The following XPO6 variants were observed in gnomAD, a reference collection of about 807,000 sequenced individuals.
XPO6 encodes exportin 6, also known as exportin-6.
A neutral mutation model predicts 130.0 loss-of-function variants in XPO6; 3 were observed. That is an observed-to-expected ratio of 0.02 (90% CI 0.01 to 0.06). The LOEUF is 0.06. Ranked by LOEUF, XPO6 falls within the 10% of genes least tolerant of loss-of-function variation. The probability of loss-of-function intolerance (pLI) is 1.00; values close to 1 mark genes in which losing one functional copy is unlikely to be tolerated. For synonymous variants in XPO6, 524 were observed against 548.9 expected, an observed-to-expected ratio of 0.95 and a Z score of 0.63; for missense variants, 970 against 1,393.0, an observed-to-expected ratio of 0.70 and a Z score of 4.83.
chr16:28,121,615 A>T (rs1413078008), intron 14 of XPO6, 55 bp downstream of exon 14: 2 of 1,274,782 alleles, frequency 1.6e-6, no homozygotes, highest in Non-Finnish European at 2.3e-6. Context: ...AATTATTTGG[A>T]GATTGGGGGC....
At chr16:28,144,692 A>G (rs972193736) in intron 9 of XPO6, among the ~76,000 whole-genome samples, 2 of 152,196 alleles carry the variant, frequency 1.3e-5, no homozygotes, top group African/African-American at 4.8e-5. Flanking sequence ...CATTTGGTAC[A>G]TTTATGGGGA....
At position 28,098,682 on chromosome 16, in the gene XPO6, C is replaced by T. The variant is rs776957808; in HGVS notation, c.3277-43G>A. The T allele has an allele frequency of 6.8e-5, 100 of 1,471,392 alleles. 1 individual carries two copies. In the South Asian group the frequency reaches 1.2e-3, roughly 17 times the overall value. The allele number at this position is 1,471,392 out of a possible 1,614,324, so 91.1% of individuals were successfully genotyped here. A position where few individuals can be genotyped will look rare whatever the true frequency, so the allele number is the denominator to read the frequency against. On this transcript the variant is annotated intron_variant, in intron 23 of 23. Coordinates refer to ENST00000304658, the MANE Select transcript of XPO6 (RefSeq NM_015171.4). ...AGCTGCAGCCAACAACACACCAGGT[C>T]ACCCACCCACCAGACCCCAACAGCT...
At chr16:28,121,618 T>C (rs993619729) in intron 14 of XPO6, 52 bp downstream of exon 14, 40 of 1,314,184 alleles carry the variant, frequency 3.0e-5, no homozygotes, top group Middle Eastern at 1.8e-4. Context: ...TATTTGGAGA[T>C]TGGGGGCAAG....
intron 6 of XPO6, among the ~76,000 whole-genome samples, chr16:28,165,874 C>T (rs1163221211): frequency 6.6e-6 from 1 of 152,206 alleles, no homozygotes; most frequent in Non-Finnish European, 1.5e-5. Context: ...TTCCTCTTTC[C>T]ATCCATCCTT....
Position 28,119,707 on chromosome 16 carries a change from T to C in XPO6, c.1859+1963A>G, listed in dbSNP as rs534364363. 2.6e-5 allele frequency among the ~76,000 whole-genome samples: 4 copies of C among 152,262 alleles called. No homozygotes were observed. In the East Asian group the frequency reaches 5.8e-4, roughly 22 times the overall value. ...CCTGGGACAACTGAAGAAATTTTAA[T>C]ATGGACTATATATGAGATGACATTA... On this transcript the variant is annotated intron_variant, in intron 14 of 23. Coordinates refer to ENST00000304658, the MANE Select transcript of XPO6 (RefSeq NM_015171.4).
intron 12 of XPO6, chr16:28,126,667 G>A: frequency 6.6e-6 from 1 of 152,146 alleles, no homozygotes; most frequent in East Asian, 1.9e-4. Context: ...TAAGATGAAG[G>A]ACAAAACATC....
chr16:28,117,573 G>A (rs2087100587), intron 14 of XPO6, 111 bp from the exon 15 acceptor site: 1 of 1,278,600 alleles, frequency 7.8e-7, no homozygotes, highest in Non-Finnish European at 1.1e-6. Context: ...GCTGTTCTAA[G>A]ACATGGGCAA....
chr16:28,180,382 T>A lies in XPO6; in HGVS notation c.94+559A>T, dbSNP rs28689914. 6.0e-3 allele frequency among the ~76,000 whole-genome samples: 904 copies of A among 151,298 alleles called. 8 individuals carry two copies. The highest frequency in any genetic ancestry group is 0.019 in the African/African-American group (776 of 41,246). On this transcript the variant is annotated intron_variant, in intron 2 of 23. Transcript: ENST00000304658. ...CCGTCTCAAAAACAAAACAAAAAAA[T>A]TTTTTTTTGAGACAGGATCTTACAT...
intron 1 of XPO6, among the ~76,000 whole-genome samples, chr16:28,210,143 T>C (rs1021815088): frequency 2.0e-5 from 3 of 152,072 alleles, no homozygotes; most frequent in Non-Finnish European, 4.4e-5. Context: ...CAAATAAAAA[T>C]AAAACACATA....
Position 28,106,236 on chromosome 16 carries a change from A to G in XPO6, c.2613-22T>C, listed in dbSNP as rs1394678057. 1 of 1,612,346 alleles carries G rather than the reference A, an allele frequency of 6.2e-7. No homozygotes were observed. The highest frequency in any genetic ancestry group is 8.5e-7 in the Non-Finnish European group (1 of 1,178,740). On this transcript the variant is annotated intron_variant, in intron 19 of 23. Transcript: ENST00000304658. This position sits in a 1 kb window ranked among gnomAD's most constrained non-coding sequence, Gnocchi z 4.2. ...CTCTCTACAGAGGAGAAAGCCACAC[A>G]GTGAGCAACCACATGTTTCTCTGGG...
chr16:28,109,868 A>G (rs1458239128), intron 17 of XPO6, among the ~76,000 whole-genome samples: 1 of 152,238 alleles, frequency 6.6e-6, no homozygotes, highest in East Asian at 1.9e-4. Flanking sequence ...ATAGATACAA[A>G]GGTTAAGTAG....
chr16:28,104,447 T>C, intron 21 of XPO6, 99 bp downstream of exon 21: 1 of 1,445,458 alleles, frequency 6.9e-7, no homozygotes, highest in Non-Finnish European at 9.4e-7. Context: ...CAGGCAGAAC[T>C]GAGCTTCAGA....
At chr16:28,138,479 C>T (rs952748643) in intron 9 of XPO6, among the ~76,000 whole-genome samples, 107 of 152,222 alleles carry the variant, frequency 7.0e-4, no homozygotes, top group African/African-American at 2.4e-3. Context: ...ACCCGTATCG[C>T]TTAGAAAATT....
chr16:28,211,470 C>G lies in XPO6; in HGVS notation c.-102G>C, dbSNP rs2044131073. 8 of 1,256,192 alleles carry G rather than the reference C, an allele frequency of 6.4e-6. No homozygotes were observed. The highest frequency in any genetic ancestry group is 2.0e-6 in the Non-Finnish European group (2 of 981,852). 77.8% of individuals were successfully genotyped at this position (1,256,192 alleles called of 1,614,324 possible). On this transcript the variant is annotated 5_prime_UTR_variant, in exon 1 of 24. Coordinates refer to ENST00000304658, the MANE Select transcript of XPO6 (RefSeq NM_015171.4). ...TGGTCCCGGCAGACTCGGGAAGTCC[C>G]CCACCCATGCAAAGACAACCCCTTC...
chr16:28,124,349 C>A (rs2087336460), intron 13 of XPO6, among the ~76,000 whole-genome samples: 1 of 152,202 alleles, frequency 6.6e-6, no homozygotes, highest in Non-Finnish European at 1.5e-5. Flanking sequence ...TGAGCCACTG[C>A]GCCCCGCCAA....
chr16:28,129,421 A>C (rs1230895671), intron 12 of XPO6, among the ~76,000 whole-genome samples: 1 of 152,156 alleles, frequency 6.6e-6, no homozygotes, highest in Non-Finnish European at 1.5e-5. Flanking sequence ...TCCCCCCAAA[A>C]GCACAGGACA....
chr16:28,163,737 C>G (rs1460931463), intron 6 of XPO6, among the ~76,000 whole-genome samples: 1 of 152,160 alleles, frequency 6.6e-6, no homozygotes, highest in African/African-American at 2.4e-5. Flanking sequence ...AGACTCCAAA[C>G]CAGGGGAAGA....
intron 8 of XPO6, among the ~76,000 whole-genome samples, chr16:28,149,603 TAGTAG>T (rs949511500): frequency 2.6e-5 from 4 of 152,218 alleles, no homozygotes; most frequent in Admixed American, 2.0e-4. Flanking sequence ...CACAGTAGAA[TAGTAG>T]AGTAGTACTC....
At chr16:28,170,789 G>A (rs1004122639) in intron 4 of XPO6, among the ~76,000 whole-genome samples, 4 of 152,138 alleles carry the variant, frequency 2.6e-5, no homozygotes, top group African/African-American at 9.7e-5. Context: ...TTTCTATCAC[G>A]TGTAATAGTC....
Sources: allele counts gnomAD v4.1 joint callset (sites outside exome capture counted in the v4.1 genomes callset), GRCh38; gene constraint gnomAD v4.1.1; non-coding constraint Gnocchi (gnomAD v3.1); transcripts MANE v1.5; gene names NCBI Gene and HGNC (gene_info 2026-07-23, HGNC 2026-07-21).